Variants in ELP1 observed in about 807,000 individuals in gnomAD.
The protein encoded by ELP1 is elongator complex protein 1.
Under a neutral mutation model 183.2 loss-of-function variants are expected in ELP1, and 131 were observed. That is an observed-to-expected ratio of 0.72 (90% confidence interval 0.62 to 0.83). The LOEUF (loss-of-function observed/expected upper bound fraction) is 0.83. Ranked by LOEUF, ELP1 falls within the 40% of genes least tolerant of loss-of-function variation. The pLI, the probability that ELP1 is intolerant of heterozygous loss-of-function variation, is 0.00. For synonymous variants in ELP1, 555 were observed against 569.0 expected (o/e 0.98, Z 0.35); for missense variants, 1,550 against 1,594.9 (o/e 0.97, Z 0.48).
At chr9:108,914,383 G>A (rs768879411) in intron 10 of ELP1, among the ~76,000 whole-genome samples, 1 of 99,746 alleles carries the variant, frequency 1.0e-5, no homozygotes, top group Non-Finnish European at 1.8e-5. Flanking sequence ...GGGGGAAAGA[G>A]AGAGACTCCG....
chr9:108,879,002 CCATAT>C (rs1452778997), intron 33 of ELP1, among the ~76,000 whole-genome samples: 3 of 152,172 alleles, frequency 2.0e-5, no homozygotes, highest in African/African-American at 7.2e-5. Context: ...ACTGCACCTA[CCATAT>C]GAGTGCTGAA....
chr9:108,928,709 T>G (rs1829898468), intron 3 of ELP1, among the ~76,000 whole-genome samples: 1 of 151,760 alleles, frequency 6.6e-6, no homozygotes, highest in Non-Finnish European at 1.5e-5. Context: ...TGAAGATAAA[T>G]AGACTGGAAG....
In ELP1 at chr9:108,898,600, A is replaced by G; in HGVS notation, c.2284-19T>C. The G allele has an allele frequency of 6.2e-7, 1 of 1,604,662 alleles. No homozygotes were observed. The highest frequency in any genetic ancestry group is 8.5e-7 in the Non-Finnish European group (1 of 1,171,834). On this transcript the variant is annotated intron_variant, in intron 21 of 36. Transcript: ENST00000374647. ...GAAACACCTACCAAAAAAAGGACAA[A>G]ACATCTTCGTTCAGATCATATTAGT...
Position 108,897,038 on chromosome 9 carries a change from T to C in ELP1, c.2502A>G (p.Lys834=). The C allele has an allele frequency of 6.2e-7, 1 of 1,613,932 alleles. No homozygotes were observed. The highest frequency in any genetic ancestry group is 8.5e-7 in the Non-Finnish European group (1 of 1,179,798). ...GAGATGTAAGTATGGATAGGCAGTATCTGAGGTAATAAGTGAAGAACACCA... is the reference window on the plus strand; with the variant it reads ...GAGATGTAAGTATGGATAGGCAGTACCTGAGGTAATAAGTGAAGAACACCA... ...RAVMESINPH[K]YCLSILTSHV... Residue 834 remains lysine, a splice_region_variant and synonymous_variant, in exon 24 of 37, where the codon AAA becomes AAG. Coordinates refer to ENST00000374647, the MANE Select transcript of ELP1 (RefSeq NM_003640.5).
intron 14 of ELP1, among the ~76,000 whole-genome samples, chr9:108,904,902 C>T (rs564409556): frequency 6.6e-6 from 1 of 152,238 alleles, no homozygotes; most frequent in East Asian, 1.9e-4. Flanking sequence ...AAATAAAAGT[C>T]AAAGCAGTAG....
In ELP1 at chr9:108,917,651, C is replaced by A. The variant is rs754741665; in HGVS notation, c.760G>T (p.Ala254Ser). ...TGGTTGGGTTTATCTTGTGTAGATG[C>A]AATCAAACTGCCTGAGGGTCTTAAA... ...LAWKPSGSLI[A>S]STQDKPNQQD... The change falls in exon 9 of 37, where the codon GCA becomes TCA. Residue 254 changes from alanine to serine, a missense_variant. Physicochemically the swap from Ala to Ser is moderately conservative, Grantham distance 99. Coordinates refer to ENST00000374647, the MANE Select transcript of ELP1 (RefSeq NM_003640.5). 6.2e-7 allele frequency: 1 copy of A among 1,612,788 alleles called. No individual in the cohort carries two copies. The highest frequency in any genetic ancestry group is 1.1e-5 in the South Asian group (1 of 91,002).
chr9:108,903,797 A>T, intron 14 of ELP1, 128 bp from the exon 15 acceptor site: 1 of 710,630 alleles, frequency 1.4e-6, no homozygotes, highest in Non-Finnish European at 2.6e-6. Flanking sequence ...AATGTAGACA[A>T]AATACATATA....
chr9:108,878,612 T>G lies in ELP1; in HGVS notation c.3700+11A>C. On this transcript the variant is annotated intron_variant, in intron 34 of 36. Coordinates refer to ENST00000374647, the MANE Select transcript of ELP1 (RefSeq NM_003640.5). ...TGTGGTCAGGAATCATCATCAGGAC[T>G]GAGAATATACCTTTCAGGTTTTCAG... 2 of 1,614,010 alleles carry G rather than the reference T, an allele frequency of 1.2e-6. No individual in the cohort carries two copies. Among genetic ancestry groups the G allele is most frequent in the Non-Finnish European group, 8.5e-7 (1 of 1,179,842 alleles).
At chr9:108,900,118 G>T in intron 19 of ELP1, 142 bp downstream of exon 19, 1 of 798,844 alleles carries the variant, frequency 1.3e-6, no homozygotes, top group Non-Finnish European at 2.1e-6. Flanking sequence ...TTTGAATAAA[G>T]CTAACAGAAA....
intron 29 of ELP1, 98 bp downstream of exon 29, chr9:108,889,234 A>G: frequency 4.4e-6 from 5 of 1,139,814 alleles, no homozygotes; most frequent in Non-Finnish European, 6.7e-6. Flanking sequence ...GGACTTAACA[A>G]TTATGCACAG....
At chr9:108,918,584 A>G (rs551491301) in intron 8 of ELP1, among the ~76,000 whole-genome samples, 1 of 152,274 alleles carries the variant, frequency 6.6e-6, no homozygotes, top group Admixed American at 6.5e-5. Flanking sequence ...CCTTGGAACA[A>G]TGAAATCTGT....
intron 25 of ELP1, among the ~76,000 whole-genome samples, chr9:108,894,941 G>A (rs1828481656): frequency 6.6e-6 from 1 of 152,120 alleles, no homozygotes; most frequent in African/African-American, 2.4e-5. Flanking sequence ...ATAAATACAT[G>A]TAAGAACAAC....
intron 16 of ELP1, among the ~76,000 whole-genome samples, chr9:108,902,239 A>C (rs1464490902): frequency 6.6e-6 from 1 of 152,114 alleles, no homozygotes; most frequent in Non-Finnish European, 1.5e-5. Context: ...CTCAGCACAC[A>C]CATCACTGCC....
chr9:108,923,389 A>C (rs1437260256), intron 5 of ELP1, among the ~76,000 whole-genome samples: 2 of 152,050 alleles, frequency 1.3e-5, no homozygotes, highest in African/African-American at 4.8e-5. Flanking sequence ...CAAACAAACA[A>C]AACCCATTTC....
At position 108,893,034 on chromosome 9, in the gene ELP1, C is replaced by A. The variant is rs146198104; in HGVS notation, c.2910G>T (p.Leu970Phe). The A allele has an allele frequency of 3.1e-6, 5 of 1,613,828 alleles. No homozygotes were observed. The highest frequency in any genetic ancestry group is 2.7e-5 in the African/African-American group (2 of 74,904). Residue 970 changes from leucine to phenylalanine, a missense_variant, in exon 27 of 37, where the codon TTG (leucine) becomes TTT (phenylalanine). By Grantham distance (22) the Leu-to-Phe change is conservative (BLOSUM62 0). Coordinates refer to ENST00000374647, the MANE Select transcript of ELP1 (RefSeq NM_003640.5). ...AATATAACTTCAGAGCTTCGTTATA[C>A]AAGTTTTTATCTTTTATCAAGTTTA... ...ECLNLIKDKN[L>F]YNEALKLYSP...
intron 24 of ELP1, 63 bp from the exon 25 acceptor site, chr9:108,896,707 C>A (rs1316673467): frequency 1.6e-5 from 23 of 1,477,602 alleles, no homozygotes; most frequent in Admixed American, 6.7e-5. Flanking sequence ...ACAGACCTAA[C>A]AACATAACCA....
Position 108,868,523 on chromosome 9 carries a change from A to G in ELP1, c.*592T>C, listed in dbSNP as rs1827317381. The G allele has an allele frequency of 1.2e-5, 5 of 408,754 alleles. No homozygotes were observed. The highest frequency in any genetic ancestry group is 2.2e-5 in the Non-Finnish European group (5 of 231,862). 25.3% of individuals were successfully genotyped at this position (408,754 alleles called of 1,614,324 possible). ...CTCTAGCAGAAAATACACAGGCAGT[A>G]AAACAGTCCCTATAGACATTGTAAT... On this transcript the variant is annotated 3_prime_UTR_variant, in exon 37 of 37. Coordinates refer to ENST00000374647, the MANE Select transcript of ELP1 (RefSeq NM_003640.5).
intron 14 of ELP1, among the ~76,000 whole-genome samples, chr9:108,905,731 C>T (rs548299064): frequency 9.5e-4 from 144 of 152,266 alleles, no homozygotes; most frequent in Non-Finnish European, 1.8e-3. Context: ...GTGTAGCCTA[C>T]TACACCCCTA....
At chr9:108,912,201 C>T (rs1367872612) in intron 11 of ELP1, 63 bp downstream of exon 11, 3 of 1,251,366 alleles carry the variant, frequency 2.4e-6, no homozygotes, top group Admixed American at 1.7e-5. Flanking sequence ...CAAACCACCA[C>T]ATCTGCAGGC....
Sources: allele counts gnomAD v4.1 joint callset (sites outside exome capture counted in the v4.1 genomes callset), GRCh38; gene constraint gnomAD v4.1.1; transcripts MANE v1.5; gene names NCBI Gene and HGNC (gene_info 2026-07-23, HGNC 2026-07-21).